MSRB3: variants seen among roughly 807,000 people sequenced by gnomAD.
MSRB3 encodes the protein methionine sulfoxide reductase B3, also known as methionine-R-sulfoxide reductase B3.
A neutral mutation model predicts 21.0 loss-of-function variants in MSRB3; 13 were observed. The ratio of observed to expected loss-of-function variants is 0.62; its 90% CI spans 0.40 to 0.98. The LOEUF is 0.98. Ranked by LOEUF, MSRB3 falls within the 50% of genes least tolerant of loss-of-function variation. The pLI, the probability that MSRB3 is intolerant of heterozygous loss-of-function variation, is 0.00. For synonymous variants in MSRB3, 87 were observed against 88.6 expected (o/e 0.98, Z 0.10); for missense variants, 199 against 230.3 (o/e 0.86, Z 0.88).
chr12:65,353,148 T>C (rs554689894), intron 4 of MSRB3, among the ~76,000 whole-genome samples: 9 of 152,292 alleles, frequency 5.9e-5, no homozygotes, highest in African/African-American at 2.2e-4. Context: ...CTTCCAACTA[T>C]GTGGTCAGTT....
chr12:65,380,440 G>T (rs1471501159), intron 5 of MSRB3, among the ~76,000 whole-genome samples: 2 of 152,066 alleles, frequency 1.3e-5, no homozygotes, highest in Non-Finnish European at 2.9e-5. Context: ...ACCAGGTGTG[G>T]TGGTGCACCC....
chr12:65,399,855 A>G (rs546356417), intron 5 of MSRB3, among the ~76,000 whole-genome samples: 3 of 152,294 alleles, frequency 2.0e-5, no homozygotes, highest in East Asian at 3.9e-4. Context: ...ATCTATTGAG[A>G]TAATCATGTG....
At chr12:65,345,802 A>C (rs1287103870) in intron 4 of MSRB3, among the ~76,000 whole-genome samples, 1 of 152,010 alleles carries the variant, frequency 6.6e-6, no homozygotes, top group East Asian at 1.9e-4. Flanking sequence ...TCATTGTTCA[A>C]TTCCCACCTA....
intron 4 of MSRB3, among the ~76,000 whole-genome samples, chr12:65,355,803 A>AACCC (rs1050441428): frequency 6.6e-6 from 1 of 151,858 alleles, no homozygotes; most frequent in African/African-American, 2.4e-5. Context: ...AACTTAAGAA[A>AACCC]ACCCAGCAGC....
chr12:65,459,860 T>C (rs138519440), intron 6 of MSRB3, among the ~76,000 whole-genome samples: 3 of 152,198 alleles, frequency 2.0e-5, no homozygotes, highest in African/African-American at 7.2e-5. Context: ...TATGTTAAAC[T>C]TGATGCTCAA....
chr12:65,441,313 G>C (rs181694238), intron 5 of MSRB3, among the ~76,000 whole-genome samples: 1 of 151,944 alleles, frequency 6.6e-6, no homozygotes, highest in African/African-American at 2.4e-5. Flanking sequence ...TCAATATGAG[G>C]AGTGGTAAGT....
chr12:65,351,059 G>T (rs959577997), intron 4 of MSRB3, among the ~76,000 whole-genome samples: 13 of 151,962 alleles, frequency 8.6e-5, no homozygotes, highest in African/African-American at 2.9e-4. Flanking sequence ...CACATAGTTG[G>T]AAGTAAAGCT....
At chr12:65,414,281 G>T (rs1458080710) in intron 5 of MSRB3, among the ~76,000 whole-genome samples, 1 of 152,120 alleles carries the variant, frequency 6.6e-6, no homozygotes, top group African/African-American at 2.4e-5. Flanking sequence ...TACGGCCTGG[G>T]GAGAATGGTA....
At position 65,463,159 on chromosome 12, in the gene MSRB3, G is replaced by A. The variant is rs1447163078; in HGVS notation, c.395G>A (p.Gly132Asp). 2.5e-6 allele frequency: 4 copies of A among 1,613,864 alleles called. No individual in the cohort carries two copies. In the African/African-American group the frequency reaches 5.3e-5, roughly 22 times the overall value. ...CGTTTTGTTCTTCTCTTTCAGTGTGGTGCTCACCTTGGGCACATTTTTGAT... is the reference window on the plus strand; with the variant it reads ...CGTTTTGTTCTTCTCTTTCAGTGTGATGCTCACCTTGGGCACATTTTTGAT... Reference protein sequence around the residue: ...HRVETSCSQCGAHLGHIFDDG... With the variant: ...HRVETSCSQCDAHLGHIFDDG... The change falls in exon 7 of 7, where the codon GGT (glycine) becomes GAT (aspartate). Residue 132 changes from glycine (G) to aspartate (D), a missense_variant. Coordinates refer to ENST00000308259, the MANE Select transcript of MSRB3 (RefSeq NM_001031679.3).
At chr12:65,313,589 G>T (rs111906958) in intron 2 of MSRB3, among the ~76,000 whole-genome samples, 24 of 152,036 alleles carry the variant, frequency 1.6e-4, no homozygotes, top group African/African-American at 5.5e-4. Context: ...CACATATTCA[G>T]GACCTCTGTT....
chr12:65,318,547 T>C (rs1874457800), intron 2 of MSRB3, among the ~76,000 whole-genome samples: 1 of 151,896 alleles, frequency 6.6e-6, no homozygotes, highest in Non-Finnish European at 1.5e-5. Flanking sequence ...AGACCCATAC[T>C]GGAAAAAAAA....
intron 5 of MSRB3, among the ~76,000 whole-genome samples, chr12:65,446,930 AT>A (rs1218472991): frequency 6.6e-6 from 1 of 152,226 alleles, no homozygotes; most frequent in Non-Finnish European, 1.5e-5. Context: ...CTAGTTTTAC[AT>A]TTTCCTTATC....
chr12:65,324,421 A>T lies in MSRB3; in HGVS notation c.77-2405A>T, dbSNP rs184532385. 2.4e-3 allele frequency among the ~76,000 whole-genome samples: 364 copies of T among 152,358 alleles called. 3 individuals are homozygous for T. Among genetic ancestry groups the T allele is most frequent in the Non-Finnish European group, 1.8e-3 (124 of 68,022 alleles). On this transcript the variant is annotated intron_variant, in intron 2 of 6. Transcript: ENST00000308259. ...TAGCACAGTTAATGAGATGTTTCAT[A>T]GTGGAAAACAATCTGTTTTTAAGAA...
intron 1 of MSRB3, chr12:65,283,617 G>C (rs982230851): frequency 6.6e-6 from 1 of 152,152 alleles, no homozygotes; most frequent in Non-Finnish European, 1.5e-5. Context: ...TTTTTTTGTA[G>C]AGATGGGGTT....
chr12:65,439,766 T>C (rs1490590321), intron 5 of MSRB3, among the ~76,000 whole-genome samples: 1 of 151,344 alleles, frequency 6.6e-6, no homozygotes, highest in Non-Finnish European at 1.5e-5. Flanking sequence ...AGATAAAAGC[T>C]AAAACTAATG....
rs1879823112 is a variant in MSRB3 at position 65,396,708 on chromosome 12, G to GAAAGAAAGA, written c.292+27685_292+27693dup. Among the ~76,000 whole-genome samples the GAAAGAAAGA allele has an allele frequency of 2.3e-4, 5 of 21,498 alleles. 1 individual carries two copies. Among genetic ancestry groups the GAAAGAAAGA allele is most frequent in the African/African-American group, 5.7e-4 (5 of 8,798 alleles). The allele number at this position is 21,498 out of a possible 152,430, so 14.1% of individuals were successfully genotyped here. A position where few individuals can be genotyped will look rare whatever the true frequency, so the allele number is the denominator to read the frequency against. On this transcript the variant is annotated intron_variant, in intron 5 of 6. Coordinates refer to ENST00000308259, the MANE Select transcript of MSRB3 (RefSeq NM_001031679.3). ...CTCCATCTCAAAAAAAAAAAAAAAA[G>GAAAGAAAGA]AAAGAAAGAAAGAAAGAAAGAAAGA...
chr12:65,346,689 GA>G (rs1305504906), intron 4 of MSRB3, among the ~76,000 whole-genome samples: 1 of 152,130 alleles, frequency 6.6e-6, no homozygotes, highest in Non-Finnish European at 1.5e-5. Context: ...GTATTGCCTA[GA>G]TTTTCTTCTA....
At chr12:65,308,885 G>A in intron 2 of MSRB3, 2 of 594,226 alleles carry the variant, frequency 3.4e-6, no homozygotes, top group Admixed American at 5.8e-5. Context: ...GTGTATAATT[G>A]TCACTAATAT....
rs1159506794 is a variant in MSRB3 at position 65,422,394 on chromosome 12, A to G, written c.293-31334A>G. Among the ~76,000 whole-genome samples, 179 of 24,594 alleles carry G rather than the reference A, an allele frequency of 7.3e-3. 2 individuals carry two copies. The highest frequency in any genetic ancestry group is 0.018 in the African/African-American group (171 of 9,496). 16.1% of individuals were successfully genotyped at this position (24,594 alleles called of 152,430 possible). A position where few individuals can be genotyped will look rare whatever the true frequency, so the allele number is the denominator to read the frequency against. On this transcript the variant is annotated intron_variant, in intron 5 of 6. Coordinates refer to ENST00000308259, the MANE Select transcript of MSRB3 (RefSeq NM_001031679.3). ...TAATTTTTGGGAGTACATAGTATAT[A>G]TATATATATATATATATATATATAT...
Sources: allele counts gnomAD v4.1 joint callset (sites outside exome capture counted in the v4.1 genomes callset), GRCh38; gene constraint gnomAD v4.1.1; transcripts MANE v1.5; gene names NCBI Gene and HGNC (gene_info 2026-07-23, HGNC 2026-07-21).